The following OSGIN2 variants were observed in gnomAD, a reference collection of about 807,000 sequenced individuals.
OSGIN2 encodes the protein oxidative stress-induced growth inhibitor 2.
In OSGIN2, 19 loss-of-function variants were observed where a neutral mutation model predicts 53.8. That is an observed-to-expected ratio of 0.35 (90% confidence interval 0.25 to 0.52). The LOEUF is 0.52. OSGIN2 is among the 20% of genes least tolerant of loss of function. The pLI is 0.95. For missense variants in OSGIN2, 520 were observed against 662.7 expected, an observed-to-expected ratio of 0.78 and a Z score of 2.36; for synonymous variants, 236 against 236.0, an observed-to-expected ratio of 1.00 and a Z score of 0.00.
At position 89,927,811 on chromosome 8, in the gene OSGIN2, T is replaced by C. The variant is rs1809381805; in HGVS notation, c.*2279T>C. ...TATTTCTGTGGCATCAAATTTTAGT[T>C]GATTGTATTAGTCAATAGGAAGTGG... On this transcript the variant is annotated 3_prime_UTR_variant, in exon 6 of 6. Transcript: ENST00000451899. The C allele has an allele frequency of 1.3e-5, 2 of 152,230 alleles. No individual in the cohort carries two copies. Among genetic ancestry groups the C allele is most frequent in the Admixed American group, 1.3e-4 (2 of 15,278 alleles). The allele number at this position is 152,230 out of a possible 1,614,324, so 9.4% of individuals were successfully genotyped here. A position where few individuals can be genotyped will look rare whatever the true frequency, so the allele number is the denominator to read the frequency against.
intron 1 of OSGIN2, among the ~76,000 whole-genome samples, chr8:89,904,854 G>T (rs1199388057): frequency 6.6e-6 from 1 of 152,134 alleles, no homozygotes; most frequent in African/African-American, 2.4e-5. Context: ...TATAAAACAG[G>T]TTGTGACATC....
Position 89,925,576 on chromosome 8 carries a change from A to G in OSGIN2, c.*44A>G, listed in dbSNP as rs1371621726. 1 of 1,499,598 alleles carries G rather than the reference A, an allele frequency of 6.7e-7. No homozygotes were observed. The highest frequency in any genetic ancestry group is 1.4e-5 in the African/African-American group (1 of 71,462). The allele number at this position is 1,499,598 out of a possible 1,614,324, so 92.9% of individuals were successfully genotyped here. ...TAAAATGGACAGTTTGCCATTAAAG[A>G]TTTTTAATAGTGGTTTTGCAGTGTA... is the stretch of plus-strand genomic sequence containing the variant. On this transcript the variant is annotated 3_prime_UTR_variant, in exon 6 of 6. Coordinates refer to ENST00000451899, the MANE Select transcript of OSGIN2 (RefSeq NM_001126111.3).
upstream of OSGIN2, chr8:89,902,097 A>AC (rs1808728873): frequency 1.3e-5 from 2 of 152,296 alleles, no homozygotes; most frequent in South Asian, 2.1e-4. Context: ...CGGCGTCTGC[A>AC]CCCCGGCAGC....
chr8:89,902,883 C>T, intron 1 of OSGIN2, 46 bp downstream of exon 1: 1 of 1,289,642 alleles, frequency 7.8e-7, no homozygotes, highest in Non-Finnish European at 1.0e-6. Flanking sequence ...GGGGATGCCG[C>T]GCTCTCGAGC....
chr8:89,920,109 C>T (rs1421759204), intron 4 of OSGIN2, among the ~76,000 whole-genome samples: 2 of 152,156 alleles, frequency 1.3e-5, no homozygotes, highest in Non-Finnish European at 2.9e-5. Flanking sequence ...CAAATAATCT[C>T]TGATAGATAA....
chr8:89,904,069 G>GA (rs1367722080), intron 1 of OSGIN2, among the ~76,000 whole-genome samples: 1 of 152,170 alleles, frequency 6.6e-6, no homozygotes, highest in East Asian at 1.9e-4. Context: ...AGTGAGTTTA[G>GA]AATGAGTCTC....
chr8:89,913,982 C>G (rs1032360438), intron 2 of OSGIN2, 95 bp from the exon 3 acceptor site: 5 of 985,658 alleles, frequency 5.1e-6, no homozygotes, highest in Middle Eastern at 2.1e-4. Flanking sequence ...AAGAACTGGT[C>G]AGAGAAAAGA....
At chr8:89,921,669 T>C (rs1809207012) in intron 5 of OSGIN2, among the ~76,000 whole-genome samples, 1 of 152,048 alleles carries the variant, frequency 6.6e-6, no homozygotes, top group Non-Finnish European at 1.5e-5. Flanking sequence ...AAGGAACATA[T>C]TTAATAAAAA....
intron 1 of OSGIN2, 65 bp downstream of exon 1, chr8:89,902,902 C>A (rs1270768516): frequency 2.6e-6 from 3 of 1,173,788 alleles, no homozygotes; most frequent in African/African-American, 1.6e-5. Context: ...GCTTTTTGGC[C>A]TGGCCCGGGC....
At chr8:89,903,386 A>G (rs970590031) in intron 1 of OSGIN2, among the ~76,000 whole-genome samples, 1 of 152,212 alleles carries the variant, frequency 6.6e-6, no homozygotes, top group East Asian at 1.9e-4. Flanking sequence ...ATAAAATATA[A>G]TACATTTCTA....
intron 2 of OSGIN2, 80 bp downstream of exon 2, chr8:89,909,801 C>T: frequency 1.1e-6 from 1 of 914,138 alleles, no homozygotes; most frequent in Admixed American, 3.2e-5. Flanking sequence ...AGTACAAGTT[C>T]TTAAGATTTT....
upstream of OSGIN2, chr8:89,902,185 G>C (rs897177651): frequency 2.0e-5 from 3 of 152,246 alleles, no homozygotes; most frequent in Non-Finnish European, 4.4e-5. Context: ...AGTGGCCGAG[G>C]CCGCGCCTTA....
chr8:89,917,652 CTTT>C (rs971270171), intron 4 of OSGIN2, among the ~76,000 whole-genome samples: 1 of 152,040 alleles, frequency 6.6e-6, no homozygotes, highest in African/African-American at 2.4e-5. Flanking sequence ...ACCTTTATCT[CTTT>C]TTTTTCTTTC....
At chr8:89,913,552 G>A (rs1331882997) in intron 2 of OSGIN2, among the ~76,000 whole-genome samples, 5 of 152,238 alleles carry the variant, frequency 3.3e-5, no homozygotes, top group African/African-American at 1.2e-4. Context: ...CAGAGAAACA[G>A]TAGGAGACTT....
In OSGIN2 at chr8:89,902,722, G is replaced by A; in HGVS notation, c.-72G>A. The A allele has an allele frequency of 2.3e-6, 2 of 862,160 alleles. No individual in the cohort carries two copies. Among genetic ancestry groups the A allele is most frequent in the African/African-American group, 1.8e-5 (1 of 55,276 alleles). The allele number at this position is 862,160 out of a possible 1,614,324, so 53.4% of individuals were successfully genotyped here. On this transcript the variant is annotated 5_prime_UTR_variant, in exon 1 of 6. Transcript: ENST00000451899. The stretch of plus-strand genomic sequence containing the variant: ...GACCCCGAGCCAGCGGGCGCCCCGA[G>A]CGGGCAGCCTCGCCGGGGGAGGCGG...
Position 89,925,462 on chromosome 8 carries a change from G to T in OSGIN2, c.1580G>T (p.Arg527Leu). 1 of 1,614,106 alleles carries T rather than the reference G, an allele frequency of 6.2e-7. No homozygotes were observed. Among genetic ancestry groups the T allele is most frequent in the South Asian group, 1.1e-5 (1 of 91,076 alleles). ...FLKGGALGVT[R>L]CLATRQKKKH... ...AAGGGAGGGGCGCTGGGTGTTACAC[G>T]CTGTTTAGCTACAAGACAGAAGAAA... is the stretch of plus-strand genomic sequence containing the variant. The change falls in exon 6 of 6, where the codon CGC becomes CTC. Residue 527 changes from arginine to leucine, a missense_variant. This residue lies in a region of OSGIN2 where 239 missense variants were observed against 328.3 expected (regional missense o/e 0.73). Transcript: ENST00000451899.
At chr8:89,911,751 G>A (rs1039504278) in intron 2 of OSGIN2, among the ~76,000 whole-genome samples, 2 of 151,482 alleles carry the variant, frequency 1.3e-5, no homozygotes, top group Non-Finnish European at 1.5e-5. Flanking sequence ...TGGCTAACAG[G>A]GTGAAACCTT....
rs150510939 is a variant in OSGIN2, at chr8:89,925,128, T to C, written c.1246T>C (p.Leu416=). The part of the protein sequence containing the change: ...TQSYSVDSNL[L]SDYTSFPEHR... ...GTCATATTCTGTAGACTCAAATCTT[T>C]TATCTGATTATACCAGCTTTCCCGA... Residue 416 remains leucine (L), a synonymous_variant, in exon 6 of 6, where the codon TTA becomes CTA. Transcript: ENST00000451899. 73 of 1,614,106 alleles carry C rather than the reference T, an allele frequency of 4.5e-5. No individual in the cohort carries two copies. In the African/African-American group the frequency reaches 8.3e-4, roughly 18 times the overall value.
At chr8:89,917,045 A>G (rs117405192) in intron 4 of OSGIN2, among the ~76,000 whole-genome samples, 2,239 of 152,270 alleles carry the variant, frequency 0.015, 18 homozygotes, top group Non-Finnish European at 0.025. Context: ...GTCTCCAGTT[A>G]CTGAATCTGT....
Sources: allele counts gnomAD v4.1 joint callset (sites outside exome capture counted in the v4.1 genomes callset), GRCh38; gene constraint gnomAD v4.1.1; regional missense constraint gnomAD v4.1.1; transcripts MANE v1.5; gene names NCBI Gene and HGNC (gene_info 2026-07-23, HGNC 2026-07-21).